The following GABRG3 variants were observed in gnomAD, a reference collection of about 807,000 sequenced individuals.
GABRG3 encodes gamma-aminobutyric acid type A receptor subunit gamma3.
GABRG3 carries 25 observed loss-of-function variants against 48.8 expected under a neutral mutation model. That is an observed-to-expected ratio of 0.51 (90% CI 0.37 to 0.72). GABRG3 has a LOEUF of 0.72. GABRG3 is among the 30% of genes least tolerant of loss of function. The pLI is 0.00. For missense variants in GABRG3, 394 were observed against 577.9 expected (o/e 0.68, Z 3.26); for synonymous variants, 227 against 217.6 (o/e 1.04, Z -0.38).
chr15:26,985,093 T>C (rs1895127319), intron 2 of GABRG3, among the ~76,000 whole-genome samples: 1 of 152,246 alleles, frequency 6.6e-6, no homozygotes, highest in Admixed American at 6.5e-5. Flanking sequence ...ATATTCAGTA[T>C]GTGCTGAAGC....
chr15:27,448,786 T>C (rs1889020398), intron 5 of GABRG3, among the ~76,000 whole-genome samples: 1 of 152,112 alleles, frequency 6.6e-6, no homozygotes, highest in African/African-American at 2.4e-5. Context: ...TGCCTGTACA[T>C]GTGTGCATGT....
At chr15:26,996,172 AT>A (rs778739269) in intron 2 of GABRG3, among the ~76,000 whole-genome samples, 3 of 152,100 alleles carry the variant, frequency 2.0e-5, no homozygotes, top group Non-Finnish European at 4.4e-5. Context: ...ATTATCTTTT[AT>A]GACAATCTAT....
intron 2 of GABRG3, among the ~76,000 whole-genome samples, chr15:26,988,211 CTATT>C (rs1895185029): frequency 6.6e-6 from 1 of 152,144 alleles, no homozygotes; most frequent in Admixed American, 6.5e-5. Context: ...GCTTTTCTAT[CTATT>C]TCTATTAATC....
At chr15:27,318,519 T>C (rs968820394) in intron 3 of GABRG3, among the ~76,000 whole-genome samples, 6 of 152,130 alleles carry the variant, frequency 3.9e-5, no homozygotes, top group African/African-American at 1.2e-4. Flanking sequence ...GTCCAGCAGC[T>C]AAAGCATCTG....
chr15:27,216,205 G>A (rs762136872), intron 3 of GABRG3, among the ~76,000 whole-genome samples: 1 of 152,220 alleles, frequency 6.6e-6, no homozygotes, highest in Non-Finnish European at 1.5e-5. Flanking sequence ...GACCAAATTC[G>A]GGTGCAGGGC....
intron 3 of GABRG3, among the ~76,000 whole-genome samples, chr15:27,200,436 G>A (rs1348784410): frequency 6.6e-6 from 1 of 152,084 alleles, no homozygotes. Flanking sequence ...TGTTTCCTGG[G>A]TGGGCCTTTG....
Position 27,244,419 on chromosome 15 carries a change from T to C in GABRG3, c.271-82390T>C, listed in dbSNP as rs566818502. Among the ~76,000 whole-genome samples the C allele has an allele frequency of 2.6e-5, 4 of 152,262 alleles. No homozygotes were observed. The East Asian group carries it at 5.8e-4, about 22-fold the overall frequency. ...CATCTCCCCCAGGAGGTGCTGAGGTTCAGGACATCTTCAGAACCACACAGC... is the reference window on the plus strand; with the variant it reads ...CATCTCCCCCAGGAGGTGCTGAGGTCCAGGACATCTTCAGAACCACACAGC... On this transcript the variant is annotated intron_variant, in intron 3 of 9. Coordinates refer to ENST00000615808, the MANE Select transcript of GABRG3 (RefSeq NM_033223.5).
chr15:27,462,677 T>G (rs1889485255), intron 5 of GABRG3, among the ~76,000 whole-genome samples: 1 of 152,190 alleles, frequency 6.6e-6, no homozygotes, highest in South Asian at 2.1e-4. Context: ...TTAAATAACT[T>G]TTGTGCTACA....
At position 27,004,122 on chromosome 15, in the gene GABRG3, G is replaced by A. The variant is rs1238425893; in HGVS notation, c.203-22632G>A. Among the ~76,000 whole-genome samples, 7 of 150,878 alleles carry A rather than the reference G, an allele frequency of 4.6e-5. No homozygotes were observed. In the East Asian group the frequency reaches 1.2e-3, roughly 26 times the overall value. ...CCGGACGGGGCGGCTGGCCGGGCGG[G>A]GGGCTGACCCCCCCACCTCCCTCCC... On this transcript the variant is annotated intron_variant, in intron 2 of 9. Transcript: ENST00000615808.
chr15:27,232,320 T>C lies in GABRG3; in HGVS notation c.271-94489T>C, dbSNP rs577840573. 5.9e-5 allele frequency among the ~76,000 whole-genome samples: 9 copies of C among 152,322 alleles called. 1 individual carries two copies. Among genetic ancestry groups the C allele is most frequent in the African/African-American group, 1.9e-4 (8 of 41,576 alleles). ...TAAAAGAGAATGAACATGACTCATA[T>C]TGAATTCAGTAGATGCTTAAAGTAA... On this transcript the variant is annotated intron_variant, in intron 3 of 9. Transcript: ENST00000615808.
chr15:27,186,015 CT>C lies in GABRG3; in HGVS notation c.271-140777del, dbSNP rs10580180. On this transcript the variant is annotated intron_variant, in intron 3 of 9. Transcript: ENST00000615808. ...TGTCTTTTAAATGTTGTATTTAAAT[CT>C]TTTTTTTTTTTTTTTTCAAATTTTA... 9.3e-3 allele frequency among the ~76,000 whole-genome samples: 1,223 copies of C among 131,194 alleles called. 6 individuals are homozygous for C. Among genetic ancestry groups the C allele is most frequent in the African/African-American group, 0.018 (639 of 35,758 alleles). The allele number at this position is 131,194 out of a possible 152,430, so 86.1% of individuals were successfully genotyped here.
chr15:27,465,236 C>T (rs1032836571), intron 5 of GABRG3, among the ~76,000 whole-genome samples: 1 of 152,208 alleles, frequency 6.6e-6, no homozygotes, highest in Non-Finnish European at 1.5e-5. Context: ...GGATCAGTGG[C>T]ACTCTTTGGA....
intron 5 of GABRG3, among the ~76,000 whole-genome samples, chr15:27,413,570 G>T (rs183861190): frequency 1.3e-5 from 2 of 152,290 alleles, no homozygotes; most frequent in African/African-American, 4.8e-5. Context: ...TCACATTTGA[G>T]TAGATAACTT....
At chr15:27,169,528 G>A (rs936852039) in intron 3 of GABRG3, among the ~76,000 whole-genome samples, 1 of 152,136 alleles carries the variant, frequency 6.6e-6, no homozygotes, top group Admixed American at 6.5e-5. Flanking sequence ...CCATCTGAGG[G>A]GAGGCCGTGG....
chr15:27,373,331 G>A (rs1895476088), intron 5 of GABRG3, among the ~76,000 whole-genome samples: 1 of 152,146 alleles, frequency 6.6e-6, no homozygotes, highest in Non-Finnish European at 1.5e-5. Context: ...GACAATACCA[G>A]TTAAAGGAGC....
chr15:27,178,671 A>G (rs1392030715), intron 3 of GABRG3, among the ~76,000 whole-genome samples: 3 of 152,240 alleles, frequency 2.0e-5, no homozygotes, highest in Non-Finnish European at 4.4e-5. Context: ...AAATATGGAC[A>G]GTTGTGTAGA....
At chr15:27,047,914 A>G (rs1280593965) in intron 3 of GABRG3, among the ~76,000 whole-genome samples, 3 of 152,218 alleles carry the variant, frequency 2.0e-5, no homozygotes, top group South Asian at 2.1e-4. Context: ...AATGTGTTGA[A>G]CCCAGATAAA....
chr15:27,498,642 C>T (rs1345769187), intron 6 of GABRG3, among the ~76,000 whole-genome samples: 1 of 152,114 alleles, frequency 6.6e-6, no homozygotes, highest in Admixed American at 6.5e-5. Context: ...AGGTGCACGC[C>T]ACCATGCCTG....
intron 5 of GABRG3, among the ~76,000 whole-genome samples, chr15:27,464,634 C>T (rs1386162127): frequency 6.6e-6 from 1 of 152,144 alleles, no homozygotes; most frequent in Admixed American, 6.5e-5. Flanking sequence ...ACTGTACTTC[C>T]TTGTTAAAAT....
Sources: allele counts gnomAD v4.1 joint callset (sites outside exome capture counted in the v4.1 genomes callset), GRCh38; gene constraint gnomAD v4.1.1; transcripts MANE v1.5; gene names NCBI Gene and HGNC (gene_info 2026-07-23, HGNC 2026-07-21).